PCDH15: variants seen among roughly 807,000 people sequenced by gnomAD.
PCDH15 encodes protocadherin-15.
A neutral mutation model predicts 178.5 loss-of-function variants in PCDH15; 129 were observed. The observed-to-expected ratio is 0.72, with a 90% CI of 0.63 to 0.84. PCDH15 has a LOEUF of 0.84. Ranked by LOEUF, PCDH15 falls within the 40% of genes least tolerant of loss-of-function variation. The pLI is 0.00. For synonymous variants in PCDH15, 800 were observed against 732.0 expected, an observed-to-expected ratio of 1.09 and a Z score of -1.50; for missense variants, 2,230 against 2,099.9, an observed-to-expected ratio of 1.06 and a Z score of -1.21.
At chr10:54,674,093 A>G (rs767350253) in intron 1 of PCDH15, among the ~76,000 whole-genome samples, 1 of 152,180 alleles carries the variant, frequency 6.6e-6, no homozygotes, top group South Asian at 2.1e-4. Flanking sequence ...GTTTCATACT[A>G]TATCAATGCA....
intron 15 of PCDH15, among the ~76,000 whole-genome samples, chr10:54,116,237 C>CAAAAAAAAAA (rs58948747): frequency 1.6e-5 from 2 of 124,750 alleles, no homozygotes. Flanking sequence ...ACTGAAAATG[C>CAAAAAAAAAA]AAAAAAAAAA....
intron 3 of PCDH15, among the ~76,000 whole-genome samples, chr10:54,822,670 C>T (rs1953065740): frequency 6.6e-6 from 1 of 151,946 alleles, no homozygotes; most frequent in African/African-American, 2.4e-5. Context: ...ATTGCTGGAT[C>T]ACATGGTAAT....
chr10:54,461,318 G>A (rs1179772738), intron 3 of PCDH15, among the ~76,000 whole-genome samples: 1 of 152,000 alleles, frequency 6.6e-6, no homozygotes, highest in Non-Finnish European at 1.5e-5. Flanking sequence ...TATCTTTCAT[G>A]TACAGCAGAT....
intron 1 of PCDH15, among the ~76,000 whole-genome samples, chr10:54,692,740 A>G (rs548711255): frequency 0.012 from 247 of 20,742 alleles, no homozygotes; most frequent in Non-Finnish European, 0.02. Flanking sequence ...AAGCTCATCA[A>G]TCTGATAGGA....
intron 2 of PCDH15, among the ~76,000 whole-genome samples, chr10:54,977,846 A>G (rs1258120723): frequency 6.6e-6 from 1 of 152,182 alleles, no homozygotes; most frequent in Non-Finnish European, 1.5e-5. Context: ...TATTTATCAT[A>G]AAGATATTTG....
chr10:53,823,814 A>G (rs1424616394), intron 32 of PCDH15: 1 of 456,282 alleles, frequency 2.2e-6, no homozygotes. Flanking sequence ...CCTAGAGCCA[A>G]AAGTAATCTC....
chr10:54,570,289 AT>A (rs1049480542), intron 2 of PCDH15, among the ~76,000 whole-genome samples: 3 of 152,210 alleles, frequency 2.0e-5, no homozygotes, highest in African/African-American at 7.2e-5. Context: ...GTTTTAAAAA[AT>A]AATGAAAACC....
rs182795683 is a variant in PCDH15 at position 54,831,369 on chromosome 10, A to G, written c.-29+66081T>C. Among the ~76,000 whole-genome samples, 136 of 152,244 alleles carry G rather than the reference A, an allele frequency of 8.9e-4. 1 individual carries two copies. The highest frequency in any genetic ancestry group is 6.8e-3 in the Middle Eastern group (2 of 294). On this transcript the variant is annotated intron_variant, in intron 3 of 5. Coordinates refer to the PCDH15 transcript ENST00000458638. ...CAAGTGAGATATTAAATACATTTCA[A>G]AAGACACATTAATATATTGGTAATT...
In PCDH15 at chr10:53,935,344, T is replaced by TTA. The variant is rs572201773; in HGVS notation, c.3373+3469_3373+3470dup. On this transcript the variant is annotated intron_variant, in intron 25 of 37. Coordinates refer to ENST00000644397, the MANE Select transcript of PCDH15 (RefSeq NM_001384140.1). Reference sequence around the variant, plus strand: ...CTGATAACAAAATGACTGAATTGTGTTATTAAGAGGGATAAAACAATATCA... The same window carrying TTA: ...CTGATAACAAAATGACTGAATTGTGTTATATTAAGAGGGATAAAACAATATCA... Among the ~76,000 whole-genome samples the TTA allele has an allele frequency of 3.9e-5, 6 of 152,314 alleles. No homozygotes were observed. In the South Asian group the frequency reaches 1.2e-3, roughly 32 times the overall value.
intron 13 of PCDH15, among the ~76,000 whole-genome samples, chr10:54,171,220 G>A (rs1247065205): frequency 3.3e-5 from 5 of 152,058 alleles, no homozygotes; most frequent in African/African-American, 4.8e-5. Flanking sequence ...AATATTCAGT[G>A]AAACCTTTAT....
chr10:54,574,898 C>G (rs1308176611), intron 2 of PCDH15, among the ~76,000 whole-genome samples: 5 of 145,922 alleles, frequency 3.4e-5, no homozygotes, highest in East Asian at 2.1e-4. Flanking sequence ...TTGGAACCAA[C>G]CCAAATGTCC....
At chr10:54,507,903 C>A (rs537410186) in intron 3 of PCDH15, among the ~76,000 whole-genome samples, 1 of 151,880 alleles carries the variant, frequency 6.6e-6, no homozygotes, top group Non-Finnish European at 1.5e-5. Flanking sequence ...ACTCATAGCA[C>A]AAATATTATG....
At chr10:54,531,996 G>A (rs765812071) in intron 2 of PCDH15, among the ~76,000 whole-genome samples, 1 of 152,076 alleles carries the variant, frequency 6.6e-6, no homozygotes, top group Non-Finnish European at 1.5e-5. Flanking sequence ...AAAATGTACC[G>A]ATCGATAAGT....
At chr10:53,811,690 T>C (rs2075870884) in intron 35 of PCDH15, 71 bp from the exon 36 acceptor site, 1 of 889,670 alleles carries the variant, frequency 1.1e-6, no homozygotes, top group Non-Finnish European at 1.7e-6. Flanking sequence ...GTCAGATTTC[T>C]ACACCTAGAA....
At chr10:54,942,163 A>T (rs1352606353) in intron 2 of PCDH15, among the ~76,000 whole-genome samples, 1 of 152,054 alleles carries the variant, frequency 6.6e-6, no homozygotes, top group Non-Finnish European at 1.5e-5. Context: ...TTTTCATTCT[A>T]AATAAATTCT....
In PCDH15 at chr10:53,825,263, C is replaced by T. The variant is rs553843037; in HGVS notation, c.4367+2130G>A. 84 of 1,158,820 alleles carry T rather than the reference C, an allele frequency of 7.2e-5. No homozygotes were observed. In the South Asian group the frequency reaches 1.1e-3, roughly 15 times the overall value. 71.8% of individuals were successfully genotyped at this position (1,158,820 alleles called of 1,614,324 possible). A position where few individuals can be genotyped will look rare whatever the true frequency, so the allele number is the denominator to read the frequency against. ...ACTTGCTTTAAACAAACACTTAGTA[C>T]GTATATCAAAAAAAAGGCATGTTTT... On this transcript the variant is annotated intron_variant, in intron 32 of 37. Transcript: ENST00000644397.
chr10:54,527,029 A>G (rs1453039534), intron 3 of PCDH15, among the ~76,000 whole-genome samples: 1 of 152,184 alleles, frequency 6.6e-6, no homozygotes, highest in Non-Finnish European at 1.5e-5. Flanking sequence ...TTAATGGAAG[A>G]GTCTATCATG....
intron 2 of PCDH15, among the ~76,000 whole-genome samples, chr10:54,539,181 A>G (rs2084916372): frequency 6.6e-6 from 1 of 152,196 alleles, no homozygotes; most frequent in Non-Finnish European, 1.5e-5. Context: ...TAAAAGGCAC[A>G]GAGTGATGGG....
chr10:55,622,064 TG>T (rs1468391629), intron 2 of PCDH15, among the ~76,000 whole-genome samples: 2 of 137,540 alleles, frequency 1.5e-5, no homozygotes, highest in Non-Finnish European at 3.1e-5. Context: ...GTATATATAA[TG>T]TATATATAAT....
Sources: allele counts gnomAD v4.1 joint callset (sites outside exome capture counted in the v4.1 genomes callset), GRCh38; gene constraint gnomAD v4.1.1; transcripts MANE v1.5; gene names NCBI Gene and HGNC (gene_info 2026-07-23, HGNC 2026-07-21).